The following RPTOR variants were observed in gnomAD, a reference collection of about 807,000 sequenced individuals.
RPTOR encodes regulatory associated protein of MTOR complex 1.
In RPTOR, 21 loss-of-function variants were observed where a neutral mutation model predicts 169.9. The observed-to-expected ratio is 0.12, with a 90% CI of 0.09 to 0.18. The LOEUF (loss-of-function observed/expected upper bound fraction) is 0.18, where lower values mean the gene tolerates loss of function less well. Ranked by LOEUF, RPTOR falls within the 10% of genes least tolerant of loss-of-function variation. RPTOR has a pLI of 1.00. For missense variants in RPTOR, 1,133 were observed against 1,855.9 expected (o/e 0.61, Z 7.16); for synonymous variants, 732 against 753.2 (o/e 0.97, Z 0.46).
chr17:80,948,065 A>G (rs1276367147), intron 27 of RPTOR, among the ~76,000 whole-genome samples: 1 of 152,242 alleles, frequency 6.6e-6, no homozygotes, highest in Non-Finnish European at 1.5e-5. Flanking sequence ...AGTCGCTGTC[A>G]GTCCCACTGC....
intron 1 of RPTOR, among the ~76,000 whole-genome samples, chr17:80,559,852 G>A (rs1034430049): frequency 2.0e-5 from 3 of 152,222 alleles, no homozygotes; most frequent in Non-Finnish European, 4.4e-5. Context: ...AGCAAATGCT[G>A]CAAGAGGTTG....
intron 11 of RPTOR, among the ~76,000 whole-genome samples, chr17:80,848,403 A>G (rs1449827674): frequency 6.6e-6 from 1 of 152,246 alleles, no homozygotes; most frequent in African/African-American, 2.4e-5. Context: ...TTCTTCCTGT[A>G]TGTACCTAGA....
intron 11 of RPTOR, among the ~76,000 whole-genome samples, chr17:80,848,846 C>T (rs2067761298): frequency 6.6e-6 from 1 of 152,232 alleles, no homozygotes; most frequent in South Asian, 2.1e-4. Context: ...TTCCCTTGGC[C>T]ACCCACACTC....
intron 3 of RPTOR, 131 bp downstream of exon 3, chr17:80,643,941 A>G (rs2065572703): frequency 2.9e-6 from 2 of 692,328 alleles, no homozygotes; most frequent in Non-Finnish European, 4.8e-6. Flanking sequence ...GCGCCTGCGC[A>G]CTGCGTTTCG....
At chr17:80,923,804 C>G (rs1459493218) in intron 23 of RPTOR, 131 bp downstream of exon 23, 1 of 997,594 alleles carries the variant, frequency 1.0e-6, no homozygotes, top group Admixed American at 2.9e-5. Context: ...CGTCCTGGGT[C>G]TGTGGGCCAC....
chr17:80,950,768 T>A (rs1568006515), intron 28 of RPTOR, among the ~76,000 whole-genome samples: 1 of 152,124 alleles, frequency 6.6e-6, no homozygotes, highest in Non-Finnish European at 1.5e-5. Flanking sequence ...CACCGGCCAT[T>A]GTGTGTCTCT....
rs1220293672 is a variant in RPTOR at position 80,855,441 on chromosome 17, C to G, written c.1315-23C>G. Reference sequence around the variant, plus strand: ...CACACCAGTATGGTTTGCAGTGATACCATTTTCTTCTTGTTCTTCCAGGTG... The same window carrying G: ...CACACCAGTATGGTTTGCAGTGATAGCATTTTCTTCTTGTTCTTCCAGGTG... On this transcript the variant is annotated intron_variant, in intron 11 of 33. Transcript: ENST00000306801. 3.2e-6 allele frequency: 5 copies of G among 1,585,170 alleles called. No individual in the cohort carries two copies. The East Asian group carries it at 1.1e-4, about 35-fold the overall frequency.
At chr17:80,858,089 C>A (rs1014343431) in intron 13 of RPTOR, 189 bp downstream of exon 13, 3 of 603,998 alleles carry the variant, frequency 5.0e-6, no homozygotes, top group Non-Finnish European at 9.0e-6. Context: ...GTCGTGGGGG[C>A]TGTCACCTAC....
At chr17:80,648,213 C>T (rs1316128516) in intron 3 of RPTOR, among the ~76,000 whole-genome samples, 1 of 151,976 alleles carries the variant, frequency 6.6e-6, no homozygotes, top group African/African-American at 2.4e-5. Context: ...TTTGAATGAA[C>T]CGAAGCTGAT....
At chr17:80,753,509 T>G (rs2066649426) in intron 5 of RPTOR, among the ~76,000 whole-genome samples, 1 of 151,330 alleles carries the variant, frequency 6.6e-6, no homozygotes, top group African/African-American at 2.4e-5. Context: ...GGCGTGCGCC[T>G]GTAGTCCCAG....
At chr17:80,649,224 A>C (rs2065620622) in intron 3 of RPTOR, among the ~76,000 whole-genome samples, 1 of 152,238 alleles carries the variant, frequency 6.6e-6, no homozygotes, top group Non-Finnish European at 1.5e-5. Context: ...TTCATGGAAC[A>C]GCCCAAGGTG....
intron 7 of RPTOR, among the ~76,000 whole-genome samples, chr17:80,794,018 C>A (rs2067076326): frequency 6.6e-6 from 1 of 152,172 alleles, no homozygotes; most frequent in African/African-American, 2.4e-5. Context: ...CTCCCTGTTT[C>A]TTTCCAAAAC....
intron 3 of RPTOR, among the ~76,000 whole-genome samples, chr17:80,689,956 C>T (rs535218651): frequency 6.6e-6 from 1 of 152,170 alleles, no homozygotes; most frequent in Non-Finnish European, 1.5e-5. Context: ...TTCATGCAAG[C>T]AGATTCTAAT....
intron 23 of RPTOR, 124 bp from the exon 24 acceptor site, chr17:80,925,246 C>T (rs2068797249): frequency 1.3e-6 from 1 of 743,940 alleles, no homozygotes; most frequent in South Asian, 1.7e-5. Flanking sequence ...AAGTGCCGTC[C>T]TTAGGGGCAG....
chr17:80,611,756 GTTTT>G (rs71163978), intron 1 of RPTOR, among the ~76,000 whole-genome samples: 3 of 132,264 alleles, frequency 2.3e-5, no homozygotes, highest in African/African-American at 6.2e-5. Context: ...TTTTATAGCT[GTTTT>G]TTTTTTTTTA....
intron 3 of RPTOR, among the ~76,000 whole-genome samples, chr17:80,663,632 C>A (rs778781565): frequency 6.6e-6 from 1 of 152,060 alleles, no homozygotes; most frequent in African/African-American, 2.4e-5. Flanking sequence ...GGAGTGTGCA[C>A]GTGGATCTAT....
intron 6 of RPTOR, among the ~76,000 whole-genome samples, chr17:80,780,386 T>C (rs2066929236): frequency 6.6e-6 from 1 of 152,030 alleles, no homozygotes; most frequent in Non-Finnish European, 1.5e-5. Context: ...TAACTTTACA[T>C]ATTGGGTGCA....
intron 13 of RPTOR, among the ~76,000 whole-genome samples, chr17:80,875,456 T>G (rs970028009): frequency 3.9e-5 from 6 of 152,312 alleles, no homozygotes; most frequent in African/African-American, 1.2e-4. Context: ...GGCTTCAGTG[T>G]GTGGTGAGGG....
At chr17:80,675,151 G>A (rs2065853174) in intron 3 of RPTOR, among the ~76,000 whole-genome samples, 1 of 152,088 alleles carries the variant, frequency 6.6e-6, no homozygotes, top group Non-Finnish European at 1.5e-5. Flanking sequence ...TACAAATTCT[G>A]TATAGTTATT....
Sources: gnomAD v4.1 joint callset for allele counts (sites outside exome capture counted in the v4.1 genomes callset) on GRCh38, gnomAD v4.1.1 for gene constraint, MANE v1.5 for transcripts, NCBI Gene and HGNC (gene_info 2026-07-23, HGNC 2026-07-21) for gene names.